The following SERGEF variants were observed in gnomAD, a reference collection of about 807,000 sequenced individuals.
SERGEF encodes secretion-regulating guanine nucleotide exchange factor.
SERGEF carries 51 observed loss-of-function variants against 50.0 expected under a neutral mutation model. The observed-to-expected ratio is 1.02, with a 90% CI of 0.81 to 1.29. The LOEUF is 1.29. Among genes scored for constraint, SERGEF ranks in the 50% most tolerant of loss-of-function variants. The probability of loss-of-function intolerance (pLI) is 0.00; values close to 1 mark genes in which losing one functional copy is unlikely to be tolerated. For missense variants in SERGEF, 521 were observed against 557.0 expected (o/e 0.94, Z 0.65); for synonymous variants, 205 against 212.4 (o/e 0.97, Z 0.30).
At chr11:17,802,481 G>A (rs909896922) in intron 10 of SERGEF, among the ~76,000 whole-genome samples, 1 of 152,284 alleles carries the variant, frequency 6.6e-6, no homozygotes, top group African/African-American at 2.4e-5. Flanking sequence ...GTCTCAGAGT[G>A]TGAATCTTTC....
chr11:17,846,164 T>C (rs1850606929), intron 10 of SERGEF, among the ~76,000 whole-genome samples: 1 of 152,174 alleles, frequency 6.6e-6, no homozygotes, highest in Non-Finnish European at 1.5e-5. Flanking sequence ...TGCCAGCAGC[T>C]CTTGGCCATA....
In SERGEF at chr11:17,788,080, C is replaced by T. The variant is rs772246227; in HGVS notation, c.*5G>A. ...GGGAAAAGCCACTTTATTAAAGATTCTCTATCACAGTCCCCCATTTCTGGA... is the reference window on the plus strand; with the variant it reads ...GGGAAAAGCCACTTTATTAAAGATTTTCTATCACAGTCCCCCATTTCTGGA... On this transcript the variant is annotated 3_prime_UTR_variant, in exon 11 of 11. Coordinates refer to ENST00000265965, the MANE Select transcript of SERGEF (RefSeq NM_012139.4). The T allele has an allele frequency of 4.0e-6, 6 of 1,512,494 alleles. No individual in the cohort carries two copies. The highest frequency in any genetic ancestry group is 5.3e-6 in the Non-Finnish European group (6 of 1,128,590). The allele number at this position is 1,512,494 out of a possible 1,614,324, so 93.7% of individuals were successfully genotyped here. A position where few individuals can be genotyped will look rare whatever the true frequency, so the allele number is the denominator to read the frequency against.
Position 17,953,783 on chromosome 11 carries a change from G to A in SERGEF, c.1011+5687C>T, listed in dbSNP as rs540115867. Among the ~76,000 whole-genome samples, 11 of 152,300 alleles carry A rather than the reference G, an allele frequency of 7.2e-5. 1 individual carries two copies. Among genetic ancestry groups the A allele is most frequent in the Admixed American group, 6.5e-4 (10 of 15,298 alleles). ...TCTATTTTAGTGAGAAAAGAGAGATGATAAATATAAATAAGAAAATAGTGG... is the reference window on the plus strand; with the variant it reads ...TCTATTTTAGTGAGAAAAGAGAGATAATAAATATAAATAAGAAAATAGTGG... On this transcript the variant is annotated intron_variant, in intron 9 of 10. Transcript: ENST00000265965.
intron 2 of SERGEF, 41 bp downstream of exon 2, chr11:18,007,900 A>C (rs1854116037): frequency 1.3e-6 from 2 of 1,578,824 alleles, no homozygotes. Context: ...AAAACGTCTA[A>C]ATAAGAAAAT....
At chr11:18,012,581 C>T (rs1391350606) in intron 1 of SERGEF, 25 of 1,178,352 alleles carry the variant, frequency 2.1e-5, no homozygotes, top group Non-Finnish European at 2.5e-5. Context: ...CAGGTGGCCC[C>T]ACGGAGCTCT....
intron 9 of SERGEF, among the ~76,000 whole-genome samples, chr11:17,893,857 C>T (rs1590181658): frequency 6.6e-6 from 1 of 152,158 alleles, no homozygotes; most frequent in African/African-American, 2.4e-5. Context: ...ACCACAGGCA[C>T]ATAGAAAGGG....
chr11:18,003,350 G>A (rs1203757226), intron 4 of SERGEF, among the ~76,000 whole-genome samples: 2 of 152,212 alleles, frequency 1.3e-5, no homozygotes, highest in African/African-American at 4.8e-5. Flanking sequence ...ATGCACTGAA[G>A]TAAAGAGCTC....
At chr11:17,921,595 C>T (rs557781877) in intron 9 of SERGEF, among the ~76,000 whole-genome samples, 3 of 152,212 alleles carry the variant, frequency 2.0e-5, no homozygotes, top group Non-Finnish European at 4.4e-5. Flanking sequence ...AAGCATGTAA[C>T]TCCCACAAAA....
intron 9 of SERGEF, among the ~76,000 whole-genome samples, chr11:17,923,356 C>T (rs1404663519): frequency 6.6e-6 from 1 of 152,194 alleles, no homozygotes; most frequent in African/African-American, 2.4e-5. Flanking sequence ...GAGAGGGACT[C>T]GGTGCCAGAG....
chr11:17,831,220 A>G (rs1850302982), intron 10 of SERGEF, among the ~76,000 whole-genome samples: 1 of 152,188 alleles, frequency 6.6e-6, no homozygotes, highest in Admixed American at 6.5e-5. Context: ...AGAGCCCAGA[A>G]ACCCACATTT....
At chr11:17,867,358 A>G (rs1442708001) in intron 10 of SERGEF, among the ~76,000 whole-genome samples, 1 of 152,260 alleles carries the variant, frequency 6.6e-6, no homozygotes, top group African/African-American at 2.4e-5. Flanking sequence ...CCAGTAGCGT[A>G]GTCAAATCTT....
intron 9 of SERGEF, among the ~76,000 whole-genome samples, chr11:17,883,674 A>AATAAACCACCCATCCAGTTCCCTTACATC (rs1177612682): frequency 7.9e-5 from 12 of 152,194 alleles, no homozygotes; most frequent in African/African-American, 2.2e-4. Context: ...ATTAGATGGA[A>AATAAACCACCCATCCAGTTCCCTTACATC]ATAAACCACC....
intron 7 of SERGEF, among the ~76,000 whole-genome samples, chr11:17,989,414 C>G (rs1194401202): frequency 1.3e-5 from 2 of 152,198 alleles, no homozygotes; most frequent in African/African-American, 4.8e-5. Flanking sequence ...AAATCACTTC[C>G]TCTCTAAGAC....
chr11:17,870,382 T>C (rs1479278019), intron 10 of SERGEF, among the ~76,000 whole-genome samples: 1 of 151,992 alleles, frequency 6.6e-6, no homozygotes, highest in African/African-American at 2.4e-5. Context: ...AGTGTCAGAG[T>C]GATGCAGTAG....
intron 9 of SERGEF, among the ~76,000 whole-genome samples, chr11:17,922,625 A>AT: frequency 6.6e-6 from 1 of 152,004 alleles, no homozygotes; most frequent in Non-Finnish European, 1.5e-5. Flanking sequence ...CACTGGGGGT[A>AT]TTTTTTAGTC....
At chr11:17,815,194 A>G (rs563575513) in intron 10 of SERGEF, among the ~76,000 whole-genome samples, 74 of 151,488 alleles carry the variant, frequency 4.9e-4, no homozygotes, top group Non-Finnish European at 9.6e-4. Flanking sequence ...TCTTAAGAAA[A>G]CAAAAAACAA....
intron 9 of SERGEF, among the ~76,000 whole-genome samples, chr11:17,902,131 TGAA>T (rs1851758682): frequency 6.6e-6 from 1 of 152,186 alleles, no homozygotes; most frequent in African/African-American, 2.4e-5. Flanking sequence ...ATTTTTTCAC[TGAA>T]GAAGGGAGAG....
chr11:18,006,450 A>G (rs1854075860), intron 3 of SERGEF, 141 bp downstream of exon 3: 1 of 829,284 alleles, frequency 1.2e-6, no homozygotes, highest in African/African-American at 1.7e-5. Context: ...TGCTGGAATT[A>G]CAATTGTGAG....
intron 9 of SERGEF, among the ~76,000 whole-genome samples, chr11:17,921,560 C>T (rs550720789): frequency 1.6e-4 from 24 of 152,336 alleles, no homozygotes; most frequent in African/African-American, 5.3e-4. Flanking sequence ...CCAAAGAGCT[C>T]TCAGTCTGCT....
Sources: allele counts gnomAD v4.1 joint callset (sites outside exome capture counted in the v4.1 genomes callset), GRCh38; gene constraint gnomAD v4.1.1; transcripts MANE v1.5; gene names NCBI Gene and HGNC (gene_info 2026-07-23, HGNC 2026-07-21).